Variants in GRK3 observed in about 807,000 individuals in gnomAD.
The protein encoded by GRK3 is adrenergic, beta, receptor kinase 2.
In GRK3, 54 loss-of-function variants were observed where a neutral mutation model predicts 95.7. The ratio of observed to expected loss-of-function variants is 0.56; its 90% CI spans 0.45 to 0.71. The LOEUF is 0.71. GRK3 is among the 30% of genes least tolerant of loss of function. GRK3 has a pLI of 0.00. For missense variants in GRK3, 649 were observed against 851.2 expected, an observed-to-expected ratio of 0.76 and a Z score of 2.96; for synonymous variants, 281 against 290.8, an observed-to-expected ratio of 0.97 and a Z score of 0.34.
At chr22:25,649,152 C>A (rs1459158567) in intron 3 of GRK3, 14 of 1,419,078 alleles carry the variant, frequency 9.9e-6, no homozygotes, top group African/African-American at 2.8e-5. Flanking sequence ...TGATGAAAGA[C>A]CAACATTTGA....
At chr22:25,697,394 A>T (rs2085217840) in intron 13 of GRK3, among the ~76,000 whole-genome samples, 1 of 152,228 alleles carries the variant, frequency 6.6e-6, no homozygotes, top group African/African-American at 2.4e-5. Flanking sequence ...GAAGATATTA[A>T]TTCCTTTGTG....
At chr22:25,573,128 C>A (rs1569148824) in intron 1 of GRK3, among the ~76,000 whole-genome samples, 1 of 152,238 alleles carries the variant, frequency 6.6e-6, no homozygotes, top group Non-Finnish European at 1.5e-5. Flanking sequence ...GCTCCTCTAG[C>A]TCAAGATGCC....
intron 9 of GRK3, among the ~76,000 whole-genome samples, chr22:25,684,032 C>T (rs953459265): frequency 7.2e-5 from 11 of 152,276 alleles, no homozygotes; most frequent in Middle Eastern, 3.4e-3. Flanking sequence ...ATGGCTGTAG[C>T]GTATGGTGTG....
intron 1 of GRK3, among the ~76,000 whole-genome samples, chr22:25,582,233 GAT>G (rs1271204126): frequency 6.6e-6 from 1 of 151,718 alleles, no homozygotes; most frequent in Non-Finnish European, 1.5e-5. Context: ...GCCGAGATGA[GAT>G]TGTGCCACTG....
intron 10 of GRK3, 114 bp from the exon 11 acceptor site, chr22:25,687,423 C>A: frequency 9.1e-7 from 1 of 1,100,970 alleles, no homozygotes; most frequent in East Asian, 2.5e-5. Context: ...GTATATAGAC[C>A]AAGCAGAAGC....
chr22:25,693,731 GA>G (rs1423858434), intron 12 of GRK3, among the ~76,000 whole-genome samples: 1 of 150,620 alleles, frequency 6.6e-6, no homozygotes, highest in Non-Finnish European at 1.5e-5. Context: ...CATTTATTCT[GA>G]GTAGATTCTC....
chr22:25,715,606 GTCATTC>G lies in GRK3; in HGVS notation c.1654+1042_1654+1047del, dbSNP rs542553869. Among the ~76,000 whole-genome samples, 133 of 152,252 alleles carry G rather than the reference GTCATTC, an allele frequency of 8.7e-4. 1 individual carries two copies. The Middle Eastern group carries it at 0.024, about 27-fold the overall frequency. ...GGAAACATAAGTTTTAAATAAATCA[GTCATTC>G]TCATTTCACTGAATATGGTTACTCT... is the stretch of plus-strand genomic sequence containing the variant. On this transcript the variant is annotated intron_variant, in intron 18 of 20. Coordinates refer to ENST00000324198, the MANE Select transcript of GRK3 (RefSeq NM_005160.4).
chr22:25,618,830 C>T (rs559089189), intron 2 of GRK3, among the ~76,000 whole-genome samples: 5 of 152,022 alleles, frequency 3.3e-5, no homozygotes, highest in African/African-American at 1.2e-4. Context: ...CCTAGCGCTG[C>T]AGTTCAGTGC....
chr22:25,670,881 C>CAAAAAAAAAAAAAAAAAA (rs71191074), intron 6 of GRK3, among the ~76,000 whole-genome samples: 1 of 65,706 alleles, frequency 1.5e-5, no homozygotes, highest in Non-Finnish European at 3.1e-5. Flanking sequence ...ACTAAAAATA[C>CAAAAAAAAAAAAAAAAAA]AAAAAAAAAA....
chr22:25,718,753 T>G (rs1439853614), intron 19 of GRK3, among the ~76,000 whole-genome samples: 1 of 152,202 alleles, frequency 6.6e-6, no homozygotes, highest in Non-Finnish European at 1.5e-5. Flanking sequence ...CACGTCACAT[T>G]GACTCTCTCA....
intron 1 of GRK3, among the ~76,000 whole-genome samples, chr22:25,570,801 G>A (rs1225308036): frequency 1.3e-5 from 2 of 152,038 alleles, no homozygotes; most frequent in Non-Finnish European, 2.9e-5. Flanking sequence ...CAACCCCTGG[G>A]CCCTTTTTGA....
intron 3 of GRK3, among the ~76,000 whole-genome samples, chr22:25,658,845 T>C (rs1482405158): frequency 1.3e-5 from 2 of 152,126 alleles, no homozygotes; most frequent in East Asian, 3.8e-4. Context: ...TTTTACTCAT[T>C]TTTTTGATAA....
intron 1 of GRK3, among the ~76,000 whole-genome samples, chr22:25,588,765 A>C (rs1932400688): frequency 6.6e-6 from 1 of 150,876 alleles, no homozygotes; most frequent in Non-Finnish European, 1.5e-5. Flanking sequence ...TGCTGCTTAT[A>C]GTTCATTAAT....
At chr22:25,623,905 T>C (rs549519427) in intron 2 of GRK3, among the ~76,000 whole-genome samples, 1 of 152,342 alleles carries the variant, frequency 6.6e-6, no homozygotes, top group African/African-American at 2.4e-5. Flanking sequence ...CCAGCCCTTT[T>C]GTTAAACTTT....
chr22:25,711,955 G>C (rs1245496857), intron 17 of GRK3, among the ~76,000 whole-genome samples: 1 of 152,222 alleles, frequency 6.6e-6, no homozygotes, highest in Non-Finnish European at 1.5e-5. Flanking sequence ...CAAGTAAAAT[G>C]CAAGGGCCTA....
intron 2 of GRK3, among the ~76,000 whole-genome samples, chr22:25,635,149 C>T (rs2084690786): frequency 6.6e-6 from 1 of 152,104 alleles, no homozygotes; most frequent in South Asian, 2.1e-4. Flanking sequence ...TAACGTGTGG[C>T]CCAAGACAAT....
intron 15 of GRK3, among the ~76,000 whole-genome samples, chr22:25,705,609 ATCTC>A (rs797010654): frequency 1.3e-5 from 2 of 150,478 alleles, no homozygotes; most frequent in African/African-American, 2.4e-5. Context: ...ATATAGTATG[ATCTC>A]TCTCTCTCTC....
chr22:25,633,052 A>G (rs1461741752), intron 2 of GRK3, among the ~76,000 whole-genome samples: 5 of 151,442 alleles, frequency 3.3e-5, no homozygotes, highest in Non-Finnish European at 7.4e-5. Flanking sequence ...CTGGGATTAC[A>G]GGCACCTGCC....
intron 2 of GRK3, among the ~76,000 whole-genome samples, chr22:25,625,625 A>G (rs1415130421): frequency 6.6e-6 from 1 of 152,168 alleles, no homozygotes; most frequent in African/African-American, 2.4e-5. Flanking sequence ...GCCTGACATC[A>G]GTCAGGCTCG....
Sources: allele counts gnomAD v4.1 joint callset (sites outside exome capture counted in the v4.1 genomes callset), GRCh38; gene constraint gnomAD v4.1.1; transcripts MANE v1.5; gene names NCBI Gene and HGNC (gene_info 2026-07-23, HGNC 2026-07-21).